The following MKLN1 variants were observed in gnomAD, a reference collection of about 807,000 sequenced individuals.
MKLN1 encodes the protein muskelin.
In MKLN1, 18 loss-of-function variants were observed where a neutral mutation model predicts 99.0. The observed-to-expected ratio is 0.18, with a 90% CI of 0.13 to 0.27. The LOEUF is 0.27. Among genes scored for constraint, MKLN1 ranks in the 10% least tolerant of loss-of-function variants. MKLN1 has a pLI of 1.00. For missense variants in MKLN1, 621 were observed against 875.9 expected (o/e 0.71, Z 3.67); for synonymous variants, 288 against 293.2 (o/e 0.98, Z 0.18).
chr7:131,201,173 C>T (rs917588640), intron 2 of MKLN1, among the ~76,000 whole-genome samples: 1 of 152,168 alleles, frequency 6.6e-6, no homozygotes, highest in African/African-American at 2.4e-5. Flanking sequence ...GCACCCACCA[C>T]CACACCTGGC....
chr7:131,331,351 T>C (rs953719808), intron 1 of MKLN1, among the ~76,000 whole-genome samples: 1 of 152,216 alleles, frequency 6.6e-6, no homozygotes, highest in Non-Finnish European at 1.5e-5. Context: ...CTTCAGGCAC[T>C]GTACTGAGCA....
intron 2 of MKLN1, among the ~76,000 whole-genome samples, chr7:131,145,764 G>A (rs1331282570): frequency 6.6e-6 from 1 of 152,216 alleles, no homozygotes; most frequent in African/African-American, 2.4e-5. Context: ...GAGTGGAGAT[G>A]TAAGCACGTA....
chr7:131,142,750 A>G, intron 1 of MKLN1: 1 of 397,842 alleles, frequency 2.5e-6, no homozygotes, highest in Admixed American at 3.9e-5. Flanking sequence ...AAAACAAAAA[A>G]GGAATTGCAA....
chr7:131,129,758 T>A (rs1795520313), intron 1 of MKLN1, among the ~76,000 whole-genome samples: 1 of 152,280 alleles, frequency 6.6e-6, no homozygotes, highest in South Asian at 2.1e-4. Context: ...AAACTTTTTT[T>A]AGAGACGAGG....
chr7:131,174,074 G>A (rs577199511), intron 2 of MKLN1, among the ~76,000 whole-genome samples: 2 of 148,142 alleles, frequency 1.4e-5, no homozygotes, highest in African/African-American at 2.5e-5. Context: ...CCGGGTTCAC[G>A]CCATTCTCCC....
intron 1 of MKLN1, among the ~76,000 whole-genome samples, chr7:131,346,803 T>A (rs952175335): frequency 1.4e-4 from 22 of 152,244 alleles, no homozygotes; most frequent in African/African-American, 4.8e-4. Context: ...TAGACTATGA[T>A]GAAGATCCCA....
At chr7:131,400,545 T>TTTCTAGGAGTGAA (rs916582193) in intron 6 of MKLN1, among the ~76,000 whole-genome samples, 8 of 133,046 alleles carry the variant, frequency 6.0e-5, no homozygotes, top group Admixed American at 5.7e-4. Flanking sequence ...ATATATGCCA[T>TTTCTAGGAGTGAA]TTCTAGGAGT....
chr7:131,386,444 G>A (rs542695043), intron 2 of MKLN1, among the ~76,000 whole-genome samples: 49 of 152,298 alleles, frequency 3.2e-4, no homozygotes, highest in African/African-American at 1.1e-3. Flanking sequence ...CCAATATCGT[G>A]AAGCATGACG....
At chr7:131,356,760 A>G (rs1428501676) in intron 1 of MKLN1, among the ~76,000 whole-genome samples, 4 of 152,190 alleles carry the variant, frequency 2.6e-5, no homozygotes, top group African/African-American at 9.6e-5. Context: ...CCACTAGGGA[A>G]TGTATCCAAA....
intron 3 of MKLN1, among the ~76,000 whole-genome samples, chr7:131,308,572 T>A (rs2116632698): frequency 7.1e-6 from 1 of 140,028 alleles, no homozygotes; most frequent in East Asian, 2.1e-4. Flanking sequence ...CAGGTAGGTT[T>A]TTTTTGTTTT....
Position 131,147,533 on chromosome 7 carries a change from T to C in MKLN1, c.-297+4592T>C, listed in dbSNP as rs561991100. On this transcript the variant is annotated intron_variant, in intron 2 of 7. Coordinates refer to the MKLN1 transcript ENST00000416992. The stretch of plus-strand genomic sequence containing the variant: ...TAGTAATAATAATTGCCCACATTGA[T>C]TGAGTGTTTAGAATATCTGCGACTC... Among the ~76,000 whole-genome samples the C allele has an allele frequency of 3.9e-5, 6 of 152,294 alleles. No individual in the cohort carries two copies. In the South Asian group the frequency reaches 1.0e-3, roughly 26 times the overall value.
chr7:131,383,695 CCT>C (rs1345361688), intron 2 of MKLN1, among the ~76,000 whole-genome samples: 1 of 152,124 alleles, frequency 6.6e-6, no homozygotes, highest in Non-Finnish European at 1.5e-5. Flanking sequence ...CACCACTTAC[CCT>C]GTTATTGAAG....
intron 4 of MKLN1, among the ~76,000 whole-genome samples, chr7:131,395,359 A>G (rs1162377932): frequency 6.6e-6 from 1 of 152,050 alleles, no homozygotes; most frequent in Non-Finnish European, 1.5e-5. Context: ...CTTTATATGC[A>G]AATCTCATTT....
intron 3 of MKLN1, among the ~76,000 whole-genome samples, chr7:131,302,398 G>T (rs1274306935): frequency 6.6e-6 from 1 of 152,216 alleles, no homozygotes. Context: ...GACTTGTGGT[G>T]ATGGGAGAAA....
intron 5 of MKLN1, among the ~76,000 whole-genome samples, chr7:131,398,497 C>T (rs1026024469): frequency 1.3e-5 from 2 of 152,012 alleles, no homozygotes; most frequent in African/African-American, 2.4e-5. Flanking sequence ...AGTTCAAGAC[C>T]ATCCTGACCA....
chr7:131,398,231 C>G (rs1794417276), intron 5 of MKLN1, among the ~76,000 whole-genome samples: 1 of 151,962 alleles, frequency 6.6e-6, no homozygotes, highest in African/African-American at 2.4e-5. Flanking sequence ...AGAACATATT[C>G]CTGAAGTTGA....
chr7:131,220,022 C>T (rs1441494407), intron 3 of MKLN1, among the ~76,000 whole-genome samples: 6 of 152,114 alleles, frequency 3.9e-5, no homozygotes, highest in South Asian at 4.1e-4. Context: ...TCTGACCTTC[C>T]GACCTTCCCC....
At chr7:131,233,373 AAAATAAAT>A (rs71966796) in intron 3 of MKLN1, among the ~76,000 whole-genome samples, 13,572 of 142,426 alleles carry the variant, frequency 0.095, 751 homozygotes, top group African/African-American at 0.14. Context: ...CTGTCTCCAA[AAAATAAAT>A]AAATAAATAA....
chr7:131,390,064 A>G (rs1437270435), intron 4 of MKLN1, among the ~76,000 whole-genome samples: 1 of 152,172 alleles, frequency 6.6e-6, no homozygotes, highest in African/African-American at 2.4e-5. Flanking sequence ...AAACATAGTC[A>G]TTGTTTGCCA....
Sources: gnomAD v4.1 joint callset for allele counts (sites outside exome capture counted in the v4.1 genomes callset) on GRCh38, gnomAD v4.1.1 for gene constraint, MANE v1.5 for transcripts, NCBI Gene and HGNC (gene_info 2026-07-23, HGNC 2026-07-21) for gene names.